The following PARD6G variants were observed in gnomAD, a reference collection of about 807,000 sequenced individuals.
PARD6G encodes the protein partitioning defective 6 homolog gamma.
PARD6G carries 7 observed loss-of-function variants against 10.7 expected under a neutral mutation model. The observed-to-expected ratio is 0.66, with a 90% CI of 0.37 to 1.23. The LOEUF is 1.23. Ranked by LOEUF, PARD6G falls within the 50% of genes most tolerant of loss-of-function variation. The probability of loss-of-function intolerance (pLI) is 0.02; values close to 1 mark genes in which losing one functional copy is unlikely to be tolerated. For missense variants in PARD6G, 548 were observed against 571.8 expected (o/e 0.96, Z 0.42); for synonymous variants, 287 against 269.4 (o/e 1.07, Z -0.64).
chr18:80,191,342 T>G (rs1025169638), intron 2 of PARD6G, among the ~76,000 whole-genome samples: 2 of 152,052 alleles, frequency 1.3e-5, no homozygotes, highest in Non-Finnish European at 1.5e-5. Flanking sequence ...AGGCGATGCC[T>G]TTGTAAAATT....
intron 2 of PARD6G, among the ~76,000 whole-genome samples, chr18:80,165,114 AG>A (rs1315981150): frequency 1.3e-5 from 2 of 152,216 alleles, no homozygotes; most frequent in African/African-American, 4.8e-5. Flanking sequence ...CAAATTTACC[AG>A]GGCAGAGTTT....
At chr18:80,191,431 G>A (rs1966895773) in intron 2 of PARD6G, among the ~76,000 whole-genome samples, 1 of 152,140 alleles carries the variant, frequency 6.6e-6, no homozygotes, top group African/African-American at 2.4e-5. Flanking sequence ...CTCAGATTGG[G>A]ATGGAGTCAT....
intron 1 of PARD6G, among the ~76,000 whole-genome samples, chr18:80,245,316 G>A (rs1212417952): frequency 6.6e-6 from 1 of 152,170 alleles, no homozygotes; most frequent in African/African-American, 2.4e-5. Context: ...GAGGGCAAAT[G>A]AGCACAGAAG....
In PARD6G at chr18:80,228,396, C is replaced by A. The variant is rs1421193565; in HGVS notation, c.72+18881G>T. On this transcript the variant is annotated intron_variant, in intron 1 of 2. Coordinates refer to ENST00000353265, the MANE Select transcript of PARD6G (RefSeq NM_032510.4). The surrounding 1 kb of genome is among the most constrained non-coding windows in gnomAD (Gnocchi z 4.6). The stretch of plus-strand genomic sequence containing the variant: ...GGCCACCCAGGTCCCTCTACATTGA[C>A]CCCCAGCCTCCTCAATCAGCTCTGC... Among the ~76,000 whole-genome samples the A allele has an allele frequency of 1.3e-5, 2 of 152,118 alleles. No individual in the cohort carries two copies. The highest frequency in any genetic ancestry group is 4.8e-5 in the African/African-American group (2 of 41,420).
rs1238015311 is a variant in PARD6G at position 80,199,222 on chromosome 18, A to T, written c.295+3488T>A. Among the ~76,000 whole-genome samples the T allele has an allele frequency of 2.0e-5, 3 of 152,240 alleles. No homozygotes were observed. In the East Asian group the frequency reaches 5.8e-4, roughly 29 times the overall value. The stretch of plus-strand genomic sequence containing the variant: ...CCTCTGGTCACAACATTTCATCAAT[A>T]CACAGTCCTTGAATAATGAGAATCA... On this transcript the variant is annotated intron_variant, in intron 2 of 2. Transcript: ENST00000353265.
rs761682984 is a variant in PARD6G, at chr18:80,160,108, C to G, written c.794G>C (p.Ser265Thr). 5.0e-6 allele frequency: 8 copies of G among 1,609,470 alleles called. No individual in the cohort carries two copies. Among genetic ancestry groups the G allele is most frequent in the East Asian group, 2.2e-5 (1 of 44,804 alleles). Reference sequence around the variant, plus strand: ...GGTGCCGTCCGAGGGCGGTCCCGAGCTGCCCAACGCGCGGCCGCCGCGCAC... The same window carrying G: ...GGTGCCGTCCGAGGGCGGTCCCGAGGTGCCCAACGCGCGGCCGCCGCGCAC... ...NVVRGGRALG[S>T]SGPPSDGTAG... is the part of the protein sequence containing the mutation. Residue 265 changes from serine to threonine, a missense_variant, in exon 3 of 3, where the codon AGC (serine) becomes ACC (threonine). Transcript: ENST00000353265.
intron 2 of PARD6G, among the ~76,000 whole-genome samples, chr18:80,186,425 C>T (rs1374511497): frequency 7.3e-6 from 1 of 136,666 alleles, no homozygotes. Context: ...ACGCATATGC[C>T]CTCACATATG....
Position 80,225,850 on chromosome 18 carries a change from G to A in PARD6G, c.72+21427C>T, listed in dbSNP as rs546070047. On this transcript the variant is annotated intron_variant, in intron 1 of 2. Transcript: ENST00000353265. Reference sequence around the variant, plus strand: ...GGTCTAGTGTGACACCCAAGGTGCTGCCAGAGGACAAGGAGATCAGAGCAC... The same window carrying A: ...GGTCTAGTGTGACACCCAAGGTGCTACCAGAGGACAAGGAGATCAGAGCAC... Among the ~76,000 whole-genome samples the A allele has an allele frequency of 3.3e-5, 5 of 152,186 alleles. No homozygotes were observed. In the East Asian group the frequency reaches 9.7e-4, roughly 29 times the overall value.
At chr18:80,166,773 A>G (rs1302979698) in intron 2 of PARD6G, among the ~76,000 whole-genome samples, 3 of 151,538 alleles carry the variant, frequency 2.0e-5, no homozygotes, top group African/African-American at 7.3e-5. Context: ...CTCCCTGCAG[A>G]CCAGGAAGGT....
chr18:80,244,010 G>C (rs1967516631), intron 1 of PARD6G, among the ~76,000 whole-genome samples: 1 of 152,144 alleles, frequency 6.6e-6, no homozygotes, highest in African/African-American at 2.4e-5. Flanking sequence ...TACTGACGTA[G>C]GTAAAGGCGT....
intron 1 of PARD6G, among the ~76,000 whole-genome samples, chr18:80,244,161 C>T (rs181414549): frequency 3.3e-5 from 5 of 152,176 alleles, no homozygotes; most frequent in African/African-American, 1.2e-4. Flanking sequence ...AGGACTCTTG[C>T]TCTCCTCCAC....
At chr18:80,215,026 TAAA>T (rs57798275) in intron 1 of PARD6G, among the ~76,000 whole-genome samples, 2 of 148,886 alleles carry the variant, frequency 1.3e-5, no homozygotes, top group African/African-American at 4.9e-5. Flanking sequence ...GGCTTCTTGT[TAAA>T]AAAAAAAAAA....
chr18:80,174,395 T>G (rs553221480), intron 2 of PARD6G, among the ~76,000 whole-genome samples: 6 of 152,114 alleles, frequency 3.9e-5, no homozygotes, highest in Non-Finnish European at 8.8e-5. Context: ...CGACAACTCC[T>G]GGGCTCAAGC....
chr18:80,162,521 G>A (rs2052707380), intron 2 of PARD6G: 1 of 169,246 alleles, frequency 5.9e-6, no homozygotes, highest in Admixed American at 6.5e-5. Flanking sequence ...TATAGAAATG[G>A]GATCTTGGTT....
chr18:80,182,074 G>T lies in PARD6G; in HGVS notation c.295+20636C>A, dbSNP rs918486759. Among the ~76,000 whole-genome samples the T allele has an allele frequency of 6.6e-6, 1 of 152,200 alleles. No individual in the cohort carries two copies. Among genetic ancestry groups the T allele is most frequent in the African/African-American group, 2.4e-5 (1 of 41,462 alleles). ...GAAAGCAGGGAAGCAACACAGCTGG[G>T]TAGGGCCCAGCAGAGTCTCACCCCA... is the stretch of plus-strand genomic sequence containing the variant. On this transcript the variant is annotated intron_variant, in intron 2 of 2. Coordinates refer to ENST00000353265, the MANE Select transcript of PARD6G (RefSeq NM_032510.4). The surrounding 1 kb of genome is among the most constrained non-coding windows in gnomAD (Gnocchi z 4.5).
chr18:80,202,704 C>G lies in PARD6G; in HGVS notation c.295+6G>C. The G allele has an allele frequency of 6.2e-7, 1 of 1,611,724 alleles. No individual in the cohort carries two copies. Among genetic ancestry groups the G allele is most frequent in the South Asian group, 1.1e-5 (1 of 90,982 alleles). On this transcript the variant is annotated splice_donor_region_variant and intron_variant, in intron 2 of 2. Transcript: ENST00000353265. ...AGACCAGCCGGCCACTCAACCACTTCAGTACCTCGTTTCTGGATGAAGACC... is the reference window on the plus strand; with the variant it reads ...AGACCAGCCGGCCACTCAACCACTTGAGTACCTCGTTTCTGGATGAAGACC...
Position 80,159,931 on chromosome 18 carries a change from G to A in PARD6G, c.971C>T (p.Ser324Phe), listed in dbSNP as rs1326856465. Residue 324 changes from serine to phenylalanine, a missense_variant, in exon 3 of 3, where the codon TCC (serine) becomes TTC (phenylalanine). By Grantham distance (155) the Ser-to-Phe change is radical. This residue lies in a region of PARD6G where 313 missense variants were observed against 279.9 expected (regional missense o/e 1.12). Transcript: ENST00000353265. Reference protein sequence around the residue: ...QTPGAPAGSLSRVNGAGLAQR... With the variant: ...QTPGAPAGSLFRVNGAGLAQR... The stretch of plus-strand genomic sequence containing the variant: ...CGCCAGGCCCGCGCCATTGACCCGG[G>A]AGAGGCTGCCTGCGGGCGCGCCCGG... 6.6e-7 allele frequency: 1 copy of A among 1,510,954 alleles called. No individual in the cohort carries two copies. The highest frequency in any genetic ancestry group is 8.8e-7 in the Non-Finnish European group (1 of 1,137,654). 93.6% of individuals were successfully genotyped at this position (1,510,954 alleles called of 1,614,324 possible). A position where few individuals can be genotyped will look rare whatever the true frequency, so the allele number is the denominator to read the frequency against.
rs1009289610 is a variant in PARD6G, at chr18:80,175,347, G to A, written c.296-14741C>T. Among the ~76,000 whole-genome samples the A allele has an allele frequency of 1.3e-5, 2 of 152,148 alleles. No homozygotes were observed. Among genetic ancestry groups the A allele is most frequent in the Non-Finnish European group, 2.9e-5 (2 of 68,030 alleles). On this transcript the variant is annotated intron_variant, in intron 2 of 2. Transcript: ENST00000353265. The surrounding 1 kb of genome is among the most constrained non-coding windows in gnomAD (Gnocchi z 6.7). ...GGAGGCTGGAAAGTCCCATATCAAG[G>A]TCCGGCTTGTAACAGTTTCTGGGGA...
intron 2 of PARD6G, among the ~76,000 whole-genome samples, chr18:80,173,022 G>C (rs2052787198): frequency 6.6e-6 from 1 of 152,114 alleles, no homozygotes; most frequent in Admixed American, 6.5e-5. Flanking sequence ...CATATGCTTG[G>C]ACCCAGGCTT....
Sources: allele counts gnomAD v4.1 joint callset (sites outside exome capture counted in the v4.1 genomes callset), GRCh38; gene constraint gnomAD v4.1.1; regional missense constraint gnomAD v4.1.1; non-coding constraint Gnocchi (gnomAD v3.1); transcripts MANE v1.5; gene names NCBI Gene and HGNC (gene_info 2026-07-23, HGNC 2026-07-21).